The following FBXW7 variants were observed in gnomAD, a reference collection of about 807,000 sequenced individuals.
FBXW7 encodes F-box/WD repeat-containing protein 7.
Under a neutral mutation model 86.3 loss-of-function variants are expected in FBXW7, and 11 were observed. That is an observed-to-expected ratio of 0.13 (90% CI 0.08 to 0.21). The LOEUF (loss-of-function observed/expected upper bound fraction) is 0.21, where lower values mean the gene tolerates loss of function less well. Among genes scored for constraint, FBXW7 ranks in the 10% least tolerant of loss-of-function variants. The probability of loss-of-function intolerance (pLI) is 1.00; values close to 1 mark genes in which losing one functional copy is unlikely to be tolerated. For synonymous variants in FBXW7, 313 were observed against 297.9 expected, an observed-to-expected ratio of 1.05 and a Z score of -0.52; for missense variants, 488 against 847.4, an observed-to-expected ratio of 0.58 and a Z score of 5.27.
intron 2 of FBXW7, among the ~76,000 whole-genome samples, chr4:152,485,534 A>G (rs1250383229): frequency 2.6e-5 from 4 of 152,170 alleles, no homozygotes; most frequent in African/African-American, 4.8e-5. Context: ...GAAACAAGGA[A>G]AGAAAAGAAC....
At chr4:152,349,726 A>T (rs1015745492) in intron 5 of FBXW7, among the ~76,000 whole-genome samples, 1 of 151,872 alleles carries the variant, frequency 6.6e-6, no homozygotes, top group African/African-American at 2.4e-5. Flanking sequence ...TCCTATAGTA[A>T]CAAGACACAG....
intron 2 of FBXW7, among the ~76,000 whole-genome samples, chr4:152,507,072 A>G (rs770944421): frequency 2.6e-5 from 4 of 152,226 alleles, no homozygotes; most frequent in Non-Finnish European, 4.4e-5. Flanking sequence ...AGAAACTGCA[A>G]ATTTGAAGTT....
At chr4:152,484,952 ACT>A (rs1235474751) in intron 2 of FBXW7, among the ~76,000 whole-genome samples, 2 of 132,742 alleles carry the variant, frequency 1.5e-5, no homozygotes, top group African/African-American at 3.3e-5. Context: ...ACAGAGCGAG[ACT>A]CTGTCTCAAA....
At chr4:152,508,281 C>A (rs1747619500) in intron 2 of FBXW7, among the ~76,000 whole-genome samples, 1 of 152,048 alleles carries the variant, frequency 6.6e-6, no homozygotes, top group Non-Finnish European at 1.5e-5. Flanking sequence ...TTCTGATATA[C>A]ATAAAACATT....
At chr4:152,364,369 T>G (rs1733264347) in intron 4 of FBXW7, among the ~76,000 whole-genome samples, 1 of 152,156 alleles carries the variant, frequency 6.6e-6, no homozygotes, top group Non-Finnish European at 1.5e-5. Flanking sequence ...TCAAAGGATC[T>G]CCATTGCAGT....
At position 152,321,348 on chromosome 4, in the gene FBXW7, T is replaced by C. The variant is rs905013796; in HGVS notation, c.*1533A>G. 11 of 232,830 alleles carry C rather than the reference T, an allele frequency of 4.7e-5. No individual in the cohort carries two copies. The highest frequency in any genetic ancestry group is 8.5e-5 in the Non-Finnish European group (10 of 117,628). 14.4% of individuals were successfully genotyped at this position (232,830 alleles called of 1,614,324 possible). On this transcript the variant is annotated 3_prime_UTR_variant, in exon 14 of 14. Coordinates refer to ENST00000281708, the MANE Select transcript of FBXW7 (RefSeq NM_001349798.2). Reference sequence around the variant, plus strand: ...ACCATAGACACAATCCCTTTAAAGGTTGTTTTCCTCCATCATGTCAGGTTG... The same window carrying C: ...ACCATAGACACAATCCCTTTAAAGGCTGTTTTCCTCCATCATGTCAGGTTG...
chr4:152,382,221 T>A (rs772684151), intron 4 of FBXW7: 1 of 1,564,936 alleles, frequency 6.4e-7, no homozygotes. Flanking sequence ...CCTTGGGCAA[T>A]GATGCTAATG....
Position 152,322,579 on chromosome 4 carries a change from TAAAG to T in FBXW7, c.*298_*301del, listed in dbSNP as rs1728645250. 7.9e-6 allele frequency: 3 copies of T among 377,760 alleles called. No homozygotes were observed. Among genetic ancestry groups the T allele is most frequent in the East Asian group, 8.2e-5 (2 of 24,496 alleles). 23.4% of individuals were successfully genotyped at this position (377,760 alleles called of 1,614,324 possible). A position where few individuals can be genotyped will look rare whatever the true frequency, so the allele number is the denominator to read the frequency against. Reference sequence around the variant, plus strand: ...GCCCAATGACCACTGGAGAAGAAAATAAAGAAATAATTGCACCTGGTTTGATTTA... The same window carrying T: ...GCCCAATGACCACTGGAGAAGAAAATAAATAATTGCACCTGGTTTGATTTA... On this transcript the variant is annotated 3_prime_UTR_variant, in exon 14 of 14. Transcript: ENST00000281708.
At chr4:152,525,188 TCTAA>T (rs776598424) in intron 2 of FBXW7, among the ~76,000 whole-genome samples, 4 of 152,202 alleles carry the variant, frequency 2.6e-5, no homozygotes, top group African/African-American at 4.8e-5. Flanking sequence ...TCATTAATCA[TCTAA>T]CTAGAGAGCC....
intron 2 of FBXW7, among the ~76,000 whole-genome samples, chr4:152,426,260 T>C (rs1739368248): frequency 6.6e-6 from 1 of 151,512 alleles, no homozygotes; most frequent in Non-Finnish European, 1.5e-5. Context: ...AAAAATAGAA[T>C]CAAAGGTCTA....
At chr4:152,471,198 A>T (rs1743924166) in intron 2 of FBXW7, among the ~76,000 whole-genome samples, 1 of 151,768 alleles carries the variant, frequency 6.6e-6, no homozygotes, top group South Asian at 2.1e-4. Flanking sequence ...GGGAAAAAAA[A>T]TAAGATATAT....
chr4:152,401,790 C>T (rs939604835), intron 4 of FBXW7, among the ~76,000 whole-genome samples: 2 of 152,186 alleles, frequency 1.3e-5, no homozygotes, highest in African/African-American at 4.8e-5. Flanking sequence ...TATGGGAACT[C>T]TCTAGGCCTC....
chr4:152,334,448 A>G (rs1351565892), intron 7 of FBXW7, among the ~76,000 whole-genome samples: 1 of 152,238 alleles, frequency 6.6e-6, no homozygotes, highest in Non-Finnish European at 1.5e-5. Context: ...AATTTAACAT[A>G]GAAGCTATCA....
intron 4 of FBXW7, among the ~76,000 whole-genome samples, chr4:152,408,744 G>T (rs887031340): frequency 6.6e-6 from 1 of 152,180 alleles, no homozygotes; most frequent in African/African-American, 2.4e-5. Context: ...GGGCAGCATA[G>T]CATGTGGAAA....
At chr4:152,338,335 T>C (rs776238724) in intron 6 of FBXW7, among the ~76,000 whole-genome samples, 15 of 152,034 alleles carry the variant, frequency 9.9e-5, no homozygotes, top group Non-Finnish European at 2.1e-4. Context: ...ACCATAAAAT[T>C]AGATGGTTTT....
intron 4 of FBXW7, among the ~76,000 whole-genome samples, chr4:152,364,457 T>C (rs1006994497): frequency 2.0e-5 from 3 of 152,208 alleles, no homozygotes; most frequent in African/African-American, 7.2e-5. Flanking sequence ...GCAAAAGTTA[T>C]GAATCATAAT....
intron 2 of FBXW7, among the ~76,000 whole-genome samples, chr4:152,533,939 CCA>C (rs1263829101): frequency 2.6e-5 from 4 of 152,148 alleles, no homozygotes; most frequent in Admixed American, 6.5e-5. Context: ...CAGAACGAGC[CCA>C]CAGTTGTCTA....
At chr4:152,496,609 C>T (rs553572818) in intron 2 of FBXW7, among the ~76,000 whole-genome samples, 5 of 149,812 alleles carry the variant, frequency 3.3e-5, no homozygotes, top group South Asian at 4.2e-4. Context: ...AACAGGGAGG[C>T]GGAGGTTGCA....
intron 4 of FBXW7, chr4:152,382,493 C>A: frequency 8.3e-7 from 1 of 1,204,094 alleles, no homozygotes; most frequent in Non-Finnish European, 1.0e-6. Context: ...CCTTCCCCTA[C>A]CAAATGTCCT....
Sources: gnomAD v4.1 joint callset for allele counts (sites outside exome capture counted in the v4.1 genomes callset) on GRCh38, gnomAD v4.1.1 for gene constraint, MANE v1.5 for transcripts, NCBI Gene and HGNC (gene_info 2026-07-23, HGNC 2026-07-21) for gene names.